The following PACRG variants were observed in gnomAD, a reference collection of about 807,000 sequenced individuals.
PACRG encodes parkin coregulated gene protein.
In PACRG, 29 loss-of-function variants were observed where a neutral mutation model predicts 29.7. The observed-to-expected ratio is 0.98, with a 90% CI of 0.73 to 1.33. The LOEUF is 1.33. Ranked by LOEUF, PACRG falls within the 40% of genes most tolerant of loss-of-function variation. The pLI is 0.00. For synonymous variants in PACRG, 116 were observed against 118.7 expected (o/e 0.98, Z 0.15); for missense variants, 279 against 316.2 (o/e 0.88, Z 0.89).
chr6:163,114,795 C>T (rs1165462989), intron 4 of PACRG, among the ~76,000 whole-genome samples: 2 of 149,218 alleles, frequency 1.3e-5, no homozygotes, highest in Middle Eastern at 3.3e-3. Flanking sequence ...ATGGTGACCA[C>T]AGTTAATTAT....
intron 1 of PACRG, among the ~76,000 whole-genome samples, chr6:162,766,934 A>G (rs886590192): frequency 3.3e-5 from 5 of 151,916 alleles, no homozygotes; most frequent in Non-Finnish European, 5.9e-5. Flanking sequence ...TCAGTTTGTG[A>G]AATTTTTAAA....
intron 2 of PACRG, among the ~76,000 whole-genome samples, chr6:162,990,240 T>C (rs1204747113): frequency 4.6e-5 from 7 of 151,290 alleles, no homozygotes; most frequent in Non-Finnish European, 7.4e-5. Flanking sequence ...TTATAGTCAT[T>C]TGGGTATATA....
intron 2 of PACRG, among the ~76,000 whole-genome samples, chr6:162,987,288 T>C (rs1366191971): frequency 6.6e-6 from 1 of 152,180 alleles, no homozygotes; most frequent in East Asian, 1.9e-4. Context: ...GTTATTGCTC[T>C]TCTGGGTCTA....
rs1429605299 is a variant in PACRG, at chr6:163,140,966, G to A, written c.613+51558G>A. 2.6e-5 allele frequency among the ~76,000 whole-genome samples: 4 copies of A among 152,290 alleles called. No homozygotes were observed. The East Asian group carries it at 5.8e-4, about 22-fold the overall frequency. Reference sequence around the variant, plus strand: ...ACGAATGAGCTGAAAGCTGCTCTTCGAATTGGAAGTGTATTTCCAATTGAG... The same window carrying A: ...ACGAATGAGCTGAAAGCTGCTCTTCAAATTGGAAGTGTATTTCCAATTGAG... On this transcript the variant is annotated intron_variant, in intron 4 of 4. Coordinates refer to ENST00000366888, the MANE Select transcript of PACRG (RefSeq NM_001080379.2).
intron 2 of PACRG, among the ~76,000 whole-genome samples, chr6:163,001,503 A>G (rs1804588177): frequency 6.6e-6 from 1 of 152,236 alleles, no homozygotes; most frequent in Non-Finnish European, 1.5e-5. Context: ...GAAAGCCTTC[A>G]GGCCAAATCA....
At position 162,863,000 on chromosome 6, in the gene PACRG, G is replaced by A. The variant is rs558474209; in HGVS notation, c.291+48719G>A. Reference sequence around the variant, plus strand: ...GAAATTCAGTGCCCATGTTGGTCCTGTTTATGAGCCCAAGTCTATGTCATA... The same window carrying A: ...GAAATTCAGTGCCCATGTTGGTCCTATTTATGAGCCCAAGTCTATGTCATA... On this transcript the variant is annotated intron_variant, in intron 2 of 4. Transcript: ENST00000366888. 3.9e-5 allele frequency among the ~76,000 whole-genome samples: 6 copies of A among 152,340 alleles called. No homozygotes were observed. In the South Asian group the frequency reaches 1.0e-3, roughly 26 times the overall value.
intron 4 of PACRG, among the ~76,000 whole-genome samples, chr6:163,143,955 C>T (rs1777668649): frequency 6.6e-6 from 1 of 152,128 alleles, no homozygotes; most frequent in Non-Finnish European, 1.5e-5. Flanking sequence ...AGTTTTCAGG[C>T]CAGGTGCGGT....
intron 2 of PACRG, among the ~76,000 whole-genome samples, chr6:162,958,884 TAGAGAGAG>T (rs200270873): frequency 5.8e-3 from 121 of 20,974 alleles, no homozygotes; most frequent in South Asian, 0.013. Flanking sequence ...TATATATATA[TAGAGAGAG>T]AGAGAGAGAG....
chr6:163,053,363 C>A (rs1014433428), intron 2 of PACRG, among the ~76,000 whole-genome samples: 12 of 152,088 alleles, frequency 7.9e-5, no homozygotes, highest in African/African-American at 2.9e-4. Flanking sequence ...TTAAATTATT[C>A]TCAGTATCTT....
rs1297436733 is a variant in PACRG, at chr6:162,814,222, C to T, written c.232C>T (p.Arg78Ter). 7 of 1,613,566 alleles carry T rather than the reference C, an allele frequency of 4.3e-6. No individual in the cohort carries two copies. Among genetic ancestry groups the T allele is most frequent in the African/African-American group, 2.7e-5 (2 of 74,820 alleles). ...KPTAFRKFYERGDFPIALEHD... is the reference protein window; with the variant it reads ...KPTAFRKFYE ...CACAGCATTTCGAAAATTCTATGAG[C>T]GAGGTGACTTCCCAATTGCCCTTGA... Residue 78 changes from arginine to a stop codon, truncating the protein, a stop_gained, in exon 2 of 5, where the codon CGA becomes TGA. Transcript: ENST00000366888. LOFTEE classifies it high-confidence loss of function.
At chr6:163,202,578 G>A (rs1489583810) in intron 4 of PACRG, among the ~76,000 whole-genome samples, 5 of 152,106 alleles carry the variant, frequency 3.3e-5, no homozygotes, top group African/African-American at 1.2e-4. Flanking sequence ...CAAATATTCA[G>A]GATTCTCTGT....
intron 2 of PACRG, among the ~76,000 whole-genome samples, chr6:162,934,898 T>C (rs1798123181): frequency 6.6e-6 from 1 of 152,230 alleles, no homozygotes; most frequent in Admixed American, 6.5e-5. Context: ...CAGTTTTTGC[T>C]TGTCTGGGAA....
At chr6:162,942,563 C>G (rs1421681597) in intron 2 of PACRG, among the ~76,000 whole-genome samples, 2 of 152,096 alleles carry the variant, frequency 1.3e-5, no homozygotes, top group Non-Finnish European at 2.9e-5. Context: ...TCTAGAATTT[C>G]TATTTGATTC....
intron 2 of PACRG, among the ~76,000 whole-genome samples, chr6:162,882,604 C>T (rs1203480190): frequency 6.6e-6 from 1 of 152,180 alleles, no homozygotes; most frequent in Non-Finnish European, 1.5e-5. Context: ...GAACAAAGCT[C>T]ACCTCCTGGG....
intron 4 of PACRG, among the ~76,000 whole-genome samples, chr6:163,130,433 C>A (rs963906522): frequency 1.1e-4 from 16 of 152,054 alleles, no homozygotes; most frequent in Non-Finnish European, 1.8e-4. Flanking sequence ...TGTCATTATT[C>A]TTTCCTTTCT....
chr6:163,258,554 G>A (rs543530809), intron 4 of PACRG, among the ~76,000 whole-genome samples: 3 of 152,108 alleles, frequency 2.0e-5, no homozygotes, highest in South Asian at 2.1e-4. Context: ...TCAGGAGATC[G>A]AAACCATCCT....
At chr6:162,957,264 C>A in intron 2 of PACRG, 1 of 517,790 alleles carries the variant, frequency 1.9e-6, no homozygotes, top group Non-Finnish European at 3.7e-6. Flanking sequence ...ATGCTGTCAA[C>A]ACTTTCACAA....
chr6:162,796,612 A>G (rs1472107693), intron 1 of PACRG, among the ~76,000 whole-genome samples: 4 of 152,078 alleles, frequency 2.6e-5, no homozygotes, highest in African/African-American at 9.7e-5. Context: ...ATTTTAGTCA[A>G]TAATATCATA....
intron 2 of PACRG, among the ~76,000 whole-genome samples, chr6:163,035,237 G>A (rs1414780571): frequency 6.6e-6 from 1 of 152,158 alleles, no homozygotes; most frequent in Non-Finnish European, 1.5e-5. Flanking sequence ...ACTGGGCCGG[G>A]CACAGTGGCT....
Sources: gnomAD v4.1 joint callset for allele counts (sites outside exome capture counted in the v4.1 genomes callset) on GRCh38, gnomAD v4.1.1 for gene constraint, MANE v1.5 for transcripts, NCBI Gene and HGNC (gene_info 2026-07-23, HGNC 2026-07-21) for gene names.